SARDH: variants seen among roughly 807,000 people sequenced by gnomAD.
The protein encoded by SARDH is sarcosine dehydrogenase, mitochondrial.
In SARDH, 95 loss-of-function variants were observed where a neutral mutation model predicts 109.1. The ratio of observed to expected loss-of-function variants is 0.87; its 90% CI spans 0.74 to 1.03. The LOEUF is 1.03. SARDH is among the 50% of genes least tolerant of loss of function. The pLI is 0.00. For synonymous variants in SARDH, 572 were observed against 534.8 expected (o/e 1.07, Z -0.96); for missense variants, 1,267 against 1,287.8 (o/e 0.98, Z 0.25).
chr9:133,732,197 T>C (rs1832708217), intron 3 of SARDH, among the ~76,000 whole-genome samples: 2 of 151,974 alleles, frequency 1.3e-5, no homozygotes, highest in Non-Finnish European at 2.9e-5. Context: ...CCCACCGACA[T>C]GAGCCCCACT....
At position 133,671,677 on chromosome 9, in the gene SARDH, G is replaced by A. The variant is rs753052663; in HGVS notation, c.2184C>T (p.Ser728=). Residue 728 remains serine (S), a synonymous_variant, in exon 18 of 21, where the codon TCC becomes TCT. Coordinates refer to ENST00000439388, the MANE Select transcript of SARDH (RefSeq NM_001134707.2). The part of the protein sequence containing the change: ...AGHLVRAMRL[S]FVGELGWELH... ...GCTCCCAGCCCAGCTCCCCCACAAA[G>A]GACAGCCGCATGGCTCGGACCTGGG... is the stretch of plus-strand genomic sequence containing the variant. 5.1e-6 allele frequency: 8 copies of A among 1,582,164 alleles called. No homozygotes were observed. In the East Asian group the frequency reaches 1.6e-4, roughly 32 times the overall value.
chr9:133,737,425 CT>C (rs1358639381), intron 1 of SARDH, among the ~76,000 whole-genome samples: 1 of 152,174 alleles, frequency 6.6e-6, no homozygotes, highest in Non-Finnish European at 1.5e-5. Context: ...CTGCATGTGT[CT>C]GTACATACCT....
chr9:133,712,745 C>T lies in SARDH; in HGVS notation c.1238-36G>A. 3 of 1,577,430 alleles carry T rather than the reference C, an allele frequency of 1.9e-6. No individual in the cohort carries two copies. The South Asian group carries it at 3.3e-5, about 17-fold the overall frequency. ...GAGAAGCGCAGGGCTGCGGTCTGCC[C>T]CCCAGGGTCCCCCACCCATGTCCAA... On this transcript the variant is annotated intron_variant, in intron 9 of 20. Coordinates refer to ENST00000439388, the MANE Select transcript of SARDH (RefSeq NM_001134707.2). This position sits in a 1 kb window ranked among gnomAD's most constrained non-coding sequence, Gnocchi z 4.1.
At chr9:133,697,381 T>C (rs1167599797) in intron 13 of SARDH, among the ~76,000 whole-genome samples, 2 of 152,156 alleles carry the variant, frequency 1.3e-5, no homozygotes, top group Non-Finnish European at 2.9e-5. Flanking sequence ...TTTCCCAAAC[T>C]CTTCCAAAAA....
Position 133,671,578 on chromosome 9 carries a change from G to A in SARDH, c.2283C>T (p.Ile761=), listed in dbSNP as rs138418052. Residue 761 remains isoleucine (I), a synonymous_variant, in exon 18 of 21, where the codon ATC becomes ATT. Transcript: ENST00000439388. ...AGTCGATGGCGCGGTACCCTGCGTT[G>A]ATGAGGCCGTGCTTGGCACCCGCGG... The part of the protein sequence containing the change: ...VMAAGAKHGL[I]NAGYRAIDSL... 2.3e-5 allele frequency: 37 copies of A among 1,608,542 alleles called. 1 individual carries two copies. In the South Asian group the frequency reaches 3.6e-4, roughly 15 times the overall value.
At chr9:133,661,999 C>T (rs1358233481), downstream of SARDH, among the ~76,000 whole-genome samples, 1 of 152,086 alleles carries the variant, frequency 6.6e-6, no homozygotes, top group Admixed American at 6.5e-5. Flanking sequence ...CATGGCGGGG[C>T]CAGGACCTCT....
In SARDH at chr9:133,718,072, A is replaced by ATTTG. The variant is rs771099502; in HGVS notation, c.1021-621_1021-618dup. Among the ~76,000 whole-genome samples, 207 of 151,898 alleles carry ATTTG rather than the reference A, an allele frequency of 1.4e-3. 3 individuals carry two copies. The highest frequency in any genetic ancestry group is 0.011 in the East Asian group (55 of 5,170). On this transcript the variant is annotated intron_variant, in intron 7 of 20. Transcript: ENST00000439388. The surrounding 1 kb of genome is among the most constrained non-coding windows in gnomAD (Gnocchi z 4.2). The stretch of plus-strand genomic sequence containing the variant: ...TCTTCCAGAATTTCATTCCTTGTTC[A>ATTTG]TTTGTTTGTTTGTTTGTTTGTAACA...
rs765144183 is a variant in SARDH, at chr9:133,713,135, G to A, written c.1151-11C>T. On this transcript the variant is annotated splice_polypyrimidine_tract_variant and intron_variant, in intron 8 of 20. Transcript: ENST00000439388. ...CGGGCGTGAAGGATTCTGAAAGAAGGAGAGAGAGGCCTGGAGTCCCTTTTG... is the reference window on the plus strand; with the variant it reads ...CGGGCGTGAAGGATTCTGAAAGAAGAAGAGAGAGGCCTGGAGTCCCTTTTG... 3 of 1,610,958 alleles carry A rather than the reference G, an allele frequency of 1.9e-6. No homozygotes were observed. In the African/African-American group the frequency reaches 4.0e-5, roughly 21 times the overall value.
chr9:133,720,677 C>CA (rs1301723017), intron 6 of SARDH, among the ~76,000 whole-genome samples: 2 of 152,148 alleles, frequency 1.3e-5, no homozygotes, highest in East Asian at 1.9e-4. Context: ...GGGGAACTCC[C>CA]TTTATAAAAC....
In SARDH at chr9:133,737,614, C is replaced by T. The variant is rs114220360; in HGVS notation, c.-31+640G>A. On this transcript the variant is annotated intron_variant, in intron 1 of 20. Transcript: ENST00000439388. The stretch of plus-strand genomic sequence containing the variant: ...ACACCTGGTCAGCTGTGGGCAAAAG[C>T]CTCCCTCCTCCTTCCGACTGTGCCC... Among the ~76,000 whole-genome samples, 910 of 152,252 alleles carry T rather than the reference C, an allele frequency of 6.0e-3. 7 individuals carry two copies. Among genetic ancestry groups the T allele is most frequent in the African/African-American group, 0.021 (870 of 41,530 alleles).
Position 133,667,974 on chromosome 9 carries a change from G to A in SARDH, c.2496-1104C>T, listed in dbSNP as rs187956428. Among the ~76,000 whole-genome samples the A allele has an allele frequency of 8.5e-4, 129 of 152,202 alleles. 1 individual carries two copies. Among genetic ancestry groups the A allele is most frequent in the African/African-American group, 2.8e-3 (116 of 41,500 alleles). On this transcript the variant is annotated intron_variant, in intron 19 of 20. Transcript: ENST00000439388. ...CCTGGAACTGCAACAGTCCAGAGCCGCGGCGCAGGGCAGCTATTATGCAGC... is the reference window on the plus strand; with the variant it reads ...CCTGGAACTGCAACAGTCCAGAGCCACGGCGCAGGGCAGCTATTATGCAGC...
intron 19 of SARDH, among the ~76,000 whole-genome samples, chr9:133,670,374 C>T (rs902763163): frequency 1.4e-4 from 21 of 151,672 alleles, no homozygotes; most frequent in African/African-American, 4.8e-4. Context: ...GCCTTTCTGC[C>T]TTTAACAACA....
intron 6 of SARDH, among the ~76,000 whole-genome samples, chr9:133,724,453 G>A (rs536736242): frequency 6.4e-4 from 98 of 152,188 alleles, no homozygotes; most frequent in African/African-American, 2.2e-3. Context: ...TCAAACCCAC[G>A]GTGAGACACC....
chr9:133,676,234 T>C (rs1830506618), intron 17 of SARDH, among the ~76,000 whole-genome samples: 1 of 152,098 alleles, frequency 6.6e-6, no homozygotes. Flanking sequence ...TATAAACACA[T>C]CACGCTAAGT....
At position 133,685,049 on chromosome 9, in the gene SARDH, A is replaced by C. The variant is rs1588399836; in HGVS notation, c.2163+144T>G. On this transcript the variant is annotated intron_variant, in intron 17 of 20. Coordinates refer to ENST00000439388, the MANE Select transcript of SARDH (RefSeq NM_001134707.2). ...GCCTGTAGGAGGGCCGCCTGGTCCC[A>C]CTGTCCCCCCTTCACAGTTGGGGAC... is the stretch of plus-strand genomic sequence containing the variant. The C allele has an allele frequency of 3.5e-5, 23 of 648,816 alleles. No homozygotes were observed. The East Asian group carries it at 6.2e-4, about 17-fold the overall frequency. The allele number at this position is 648,816 out of a possible 1,614,324, so 40.2% of individuals were successfully genotyped here. A position where few individuals can be genotyped will look rare whatever the true frequency, so the allele number is the denominator to read the frequency against.
chr9:133,730,613 A>C (rs916672592), intron 4 of SARDH, among the ~76,000 whole-genome samples: 5 of 146,392 alleles, frequency 3.4e-5, no homozygotes, highest in Non-Finnish European at 7.6e-5. Context: ...TTGGAGTAAA[A>C]CATACTAAAA....
At chr9:133,678,439 T>C (rs1830589020) in intron 17 of SARDH, among the ~76,000 whole-genome samples, 1 of 152,184 alleles carries the variant, frequency 6.6e-6, no homozygotes, top group Admixed American at 6.5e-5. Flanking sequence ...TTTCCCCAGA[T>C]GGGTCATGGA....
intron 17 of SARDH, among the ~76,000 whole-genome samples, chr9:133,680,231 G>T (rs190036541): frequency 6.6e-6 from 1 of 152,212 alleles, no homozygotes; most frequent in South Asian, 2.1e-4. Context: ...CCAGAGAGGC[G>T]ACCCGCAGAA....
intron 6 of SARDH, among the ~76,000 whole-genome samples, chr9:133,726,368 A>AAATAATAATAATAATAATAATAAT (rs547588474): frequency 0.12 from 13,790 of 113,826 alleles, 1,119 homozygotes; most frequent in Admixed American, 0.14. Context: ...ACCCTGTCTC[A>AAATAATAATAATAATAATAATAAT]AATAATAATA....
Sources: allele counts gnomAD v4.1 joint callset (sites outside exome capture counted in the v4.1 genomes callset), GRCh38; gene constraint gnomAD v4.1.1; non-coding constraint Gnocchi (gnomAD v3.1); transcripts MANE v1.5; gene names NCBI Gene and HGNC (gene_info 2026-07-23, HGNC 2026-07-21).